The following GABRB3 variants were observed in gnomAD, a reference collection of about 807,000 sequenced individuals.
The protein encoded by GABRB3 is gamma-aminobutyric acid type A receptor subunit beta3, also known as gamma-aminobutyric acid receptor subunit beta-3.
In GABRB3, 14 loss-of-function variants were observed where a neutral mutation model predicts 52.1. The ratio of observed to expected loss-of-function variants is 0.27; its 90% CI spans 0.18 to 0.42. The LOEUF (loss-of-function observed/expected upper bound fraction) is 0.42. GABRB3 is among the 10% of genes least tolerant of loss of function. GABRB3 has a pLI of 1.00. For synonymous variants in GABRB3, 260 were observed against 232.3 expected (o/e 1.12, Z -1.08); for missense variants, 307 against 609.1 (o/e 0.50, Z 5.22).
At chr15:26,635,961 G>A (rs948191826) in intron 3 of GABRB3, among the ~76,000 whole-genome samples, 7 of 152,312 alleles carry the variant, frequency 4.6e-5, no homozygotes, top group Middle Eastern at 3.4e-3. Context: ...TGATATAGCC[G>A]AGAAATATTA....
Position 26,593,088 on chromosome 15 carries a change from C to A in GABRB3, c.462-9674G>T, listed in dbSNP as rs951301181. 2.0e-5 allele frequency among the ~76,000 whole-genome samples: 3 copies of A among 152,054 alleles called. No homozygotes were observed. The South Asian group carries it at 6.2e-4, about 31-fold the overall frequency. On this transcript the variant is annotated intron_variant, in intron 4 of 8. Transcript: ENST00000311550. ...TCATTCGAAATTCCCAGATAACATT[C>A]CCAGGTGATGCTGATGCTGGTCTGG...
intron 6 of GABRB3, among the ~76,000 whole-genome samples, chr15:26,572,304 C>A (rs1057504456): frequency 6.6e-6 from 1 of 152,164 alleles, no homozygotes; most frequent in South Asian, 2.1e-4. Flanking sequence ...CTAGGGCACA[C>A]GCCTAAGTGA....
At chr15:26,765,326 C>T (rs1890967867) in intron 3 of GABRB3, among the ~76,000 whole-genome samples, 1 of 152,062 alleles carries the variant, frequency 6.6e-6, no homozygotes, top group Non-Finnish European at 1.5e-5. Flanking sequence ...TTGAAATTAG[C>T]ATAAAAGTTC....
chr15:26,730,436 AAAAG>A (rs1386392419), intron 3 of GABRB3, among the ~76,000 whole-genome samples: 72 of 151,716 alleles, frequency 4.7e-4, no homozygotes, highest in Non-Finnish European at 6.6e-4. Context: ...AAAAAAAAAA[AAAAG>A]ACTTACAGGA....
chr15:26,567,847 G>C, intron 6 of GABRB3, 114 bp from the exon 7 acceptor site: 2 of 995,222 alleles, frequency 2.0e-6, no homozygotes, highest in South Asian at 2.7e-5. Context: ...GAATAAAGGG[G>C]TGACCCACCA....
At chr15:26,564,868 T>C (rs764244348) in intron 7 of GABRB3, among the ~76,000 whole-genome samples, 5 of 152,232 alleles carry the variant, frequency 3.3e-5, no homozygotes, top group Non-Finnish European at 7.3e-5. Context: ...ACCAAATAAC[T>C]CTTTACTGTA....
At chr15:26,672,468 A>T (rs57187210) in intron 3 of GABRB3, among the ~76,000 whole-genome samples, 38,710 of 151,998 alleles carry the variant, frequency 0.25, 5,664 homozygotes, top group Middle Eastern at 0.44. Context: ...CTTTCCCCTA[A>T]GAAGATTGGT....
chr15:26,594,533 A>G (rs189213087), intron 4 of GABRB3, among the ~76,000 whole-genome samples: 27 of 152,252 alleles, frequency 1.8e-4, no homozygotes, highest in Admixed American at 1.8e-3. Flanking sequence ...ATCCCACTCT[A>G]TTGCCTAGGC....
intron 4 of GABRB3, among the ~76,000 whole-genome samples, chr15:26,605,896 G>A (rs1029434439): frequency 1.3e-5 from 2 of 152,112 alleles, no homozygotes; most frequent in African/African-American, 4.8e-5. Flanking sequence ...TCCACAGGCT[G>A]TACAGGAAAT....
Position 26,583,169 on chromosome 15 carries a change from CTT to C in GABRB3, c.544+161_544+162del, listed in dbSNP as rs576671500. Among the ~76,000 whole-genome samples, 565 of 152,252 alleles carry C rather than the reference CTT, an allele frequency of 3.7e-3. 2 individuals carry two copies. The highest frequency in any genetic ancestry group is 0.013 in the African/African-American group (539 of 41,528). On this transcript the variant is annotated intron_variant, in intron 5 of 8. Transcript: ENST00000311550. ...CTTAATCAGATTAGAATGAAGAACT[CTT>C]TTATACTGAGTCTCTCTCTCTCTCT...
intron 3 of GABRB3, among the ~76,000 whole-genome samples, chr15:26,757,357 G>T (rs907703951): frequency 2.0e-5 from 3 of 152,096 alleles, no homozygotes; most frequent in African/African-American, 2.4e-5. Context: ...CACATTCCTT[G>T]CCTGGCGCGC....
intron 3 of GABRB3, among the ~76,000 whole-genome samples, chr15:26,672,282 C>G (rs1887922550): frequency 6.6e-6 from 1 of 152,142 alleles, no homozygotes; most frequent in Admixed American, 6.5e-5. Flanking sequence ...TCATAAATCC[C>G]ATCTCCAGGC....
At chr15:26,650,547 A>AAG (rs1887163853) in intron 3 of GABRB3, among the ~76,000 whole-genome samples, 1 of 152,022 alleles carries the variant, frequency 6.6e-6, no homozygotes, top group Non-Finnish European at 1.5e-5. Context: ...TGGGGTGGGT[A>AAG]CCCAGTGAAG....
At chr15:26,635,010 A>ATGTATATAT (rs10676156) in intron 3 of GABRB3, among the ~76,000 whole-genome samples, 1 of 74,882 alleles carries the variant, frequency 1.3e-5, no homozygotes, top group Non-Finnish European at 2.5e-5. Context: ...ATATATATAT[A>ATGTATATAT]ATATATATAT....
intron 4 of GABRB3, among the ~76,000 whole-genome samples, chr15:26,616,615 AAC>A (rs1309359260): frequency 6.6e-6 from 1 of 152,090 alleles, no homozygotes; most frequent in East Asian, 1.9e-4. Flanking sequence ...AAAAAAAAAA[AAC>A]CAGCTACTTA....
chr15:26,681,920 T>C (rs997261369), intron 3 of GABRB3, among the ~76,000 whole-genome samples: 1 of 152,138 alleles, frequency 6.6e-6, no homozygotes, highest in Non-Finnish European at 1.5e-5. Flanking sequence ...ACTGAGCCAC[T>C]GCACTCCAGC....
intron 8 of GABRB3, among the ~76,000 whole-genome samples, chr15:26,554,021 T>TTTTATATA (rs1555400756): frequency 4.2e-5 from 1 of 23,668 alleles, no homozygotes; most frequent in African/African-American, 1.8e-4. Flanking sequence ...ACCTGACTAT[T>TTTTATATA]TATATATATA....
In GABRB3 at chr15:26,567,884, C is replaced by A. The variant is rs186769125; in HGVS notation, c.683-151G>T. The A allele has an allele frequency of 2.7e-5, 20 of 727,526 alleles. 2 individuals carry two copies. In the South Asian group the frequency reaches 2.8e-4, roughly 10 times the overall value. The allele number at this position is 727,526 out of a possible 1,614,324, so 45.1% of individuals were successfully genotyped here. ...CAAGCAGTTTGCTTCTGTCTGCTAG[C>A]GGTATTTATAGAAGAATTAGGAGGG... On this transcript the variant is annotated intron_variant, in intron 6 of 8. Transcript: ENST00000311550.
chr15:26,659,829 A>T (rs2140608367), intron 3 of GABRB3, among the ~76,000 whole-genome samples: 1 of 152,296 alleles, frequency 6.6e-6, no homozygotes, highest in Middle Eastern at 3.4e-3. Flanking sequence ...CACACCAGAA[A>T]GTTACATTGT....
Sources: gnomAD v4.1 joint callset for allele counts (sites outside exome capture counted in the v4.1 genomes callset) on GRCh38, gnomAD v4.1.1 for gene constraint, MANE v1.5 for transcripts, NCBI Gene and HGNC (gene_info 2026-07-23, HGNC 2026-07-21) for gene names.